Variants in KIAA1328 observed in about 807,000 individuals in gnomAD.
KIAA1328 encodes the protein KIAA1328.
KIAA1328 carries 52 observed loss-of-function variants against 68.1 expected under a neutral mutation model. The ratio of observed to expected loss-of-function variants is 0.76; its 90% confidence interval spans 0.61 to 0.96. KIAA1328 has a LOEUF of 0.96. Ranked by LOEUF, KIAA1328 falls within the 40% of genes least tolerant of loss-of-function variation. The pLI, the probability that KIAA1328 is intolerant of heterozygous loss-of-function variation, is 0.00. For missense variants in KIAA1328, 641 were observed against 677.6 expected (o/e 0.95, Z 0.60); for synonymous variants, 232 against 239.4 (o/e 0.97, Z 0.28).
At chr18:36,946,046 G>C (rs1028543601) in intron 5 of KIAA1328, among the ~76,000 whole-genome samples, 1 of 152,140 alleles carries the variant, frequency 6.6e-6, no homozygotes, top group Admixed American at 6.5e-5. Flanking sequence ...TTATGTTCAT[G>C]CCCAAAACAT....
intron 3 of KIAA1328, among the ~76,000 whole-genome samples, chr18:36,840,684 C>T (rs1238622710): frequency 2.0e-5 from 3 of 152,090 alleles, no homozygotes; most frequent in Admixed American, 6.6e-5. Flanking sequence ...AACTCCTGAC[C>T]TCGTGATCCA....
chr18:37,104,985 C>T (rs184245705), intron 7 of KIAA1328, among the ~76,000 whole-genome samples: 6 of 152,194 alleles, frequency 3.9e-5, no homozygotes, highest in Non-Finnish European at 7.4e-5. Flanking sequence ...CGGTTATCTC[C>T]CCCTTCTTTC....
Position 37,160,392 on chromosome 18 carries a change from C to T in KIAA1328, c.1414+11C>T, listed in dbSNP as rs76904172. 1.6e-4 allele frequency: 257 copies of T among 1,602,744 alleles called. 2 individuals carry two copies. In the African/African-American group the frequency reaches 3.1e-3, roughly 20 times the overall value. On this transcript the variant is annotated intron_variant, in intron 8 of 9. Coordinates refer to ENST00000280020, the MANE Select transcript of KIAA1328 (RefSeq NM_020776.3). ...GTAGACCCCAAAGAGGTAAGTTTAA[C>T]AACTGTAGTGGCAAAATGAGAAACT...
Position 36,959,335 on chromosome 18 carries a change from A to T in KIAA1328, c.476A>T (p.Gln159Leu). 6.2e-7 allele frequency: 1 copy of T among 1,602,532 alleles called. No homozygotes were observed. The highest frequency in any genetic ancestry group is 8.5e-7 in the Non-Finnish European group (1 of 1,175,386). ...EALQLQYREC[Q>L]ELLSLYQKYL... is the part of the protein sequence containing the mutation. The stretch of plus-strand genomic sequence containing the variant: ...CTTCAGCTACAGTATAGAGAATGCC[A>T]AGAACTTCTAAGCCTGTATCAGAAA... The change falls in exon 6 of 10, where the codon CAA becomes CTA. Residue 159 changes from glutamine (Q) to leucine (L), a missense_variant. Physicochemically the swap from Gln to Leu is moderately radical, Grantham distance 113 (BLOSUM62 -2). Transcript: ENST00000280020.
intron 1 of KIAA1328, among the ~76,000 whole-genome samples, chr18:36,832,214 G>A (rs1478563837): frequency 6.6e-6 from 1 of 152,116 alleles, no homozygotes; most frequent in Non-Finnish European, 1.5e-5. Flanking sequence ...TTCAAATATT[G>A]TTATTAAAAA....
At chr18:36,893,049 A>G (rs2048741768) in intron 5 of KIAA1328, among the ~76,000 whole-genome samples, 1 of 152,202 alleles carries the variant, frequency 6.6e-6, no homozygotes, top group African/African-American at 2.4e-5. Context: ...TCTAAAAAAA[A>G]GTCAAAATTA....
chr18:37,071,057 C>CTTTTTTTTTTTTTTTTTT (rs58722044), intron 7 of KIAA1328, among the ~76,000 whole-genome samples: 2 of 86,836 alleles, frequency 2.3e-5, no homozygotes, highest in Non-Finnish European at 4.6e-5. Flanking sequence ...TTTTTTCTTC[C>CTTTTTTTTTTTTTTTTTT]TTTTTTTTTT....
intron 6 of KIAA1328, among the ~76,000 whole-genome samples, chr18:37,045,107 C>G (rs2055413792): frequency 6.6e-6 from 1 of 152,094 alleles, no homozygotes; most frequent in Non-Finnish European, 1.5e-5. Context: ...ATTCTTTTCT[C>G]CTTAATTCCT....
downstream of KIAA1328, chr18:37,229,714 T>G (rs2060656223): frequency 2.9e-6 from 1 of 348,782 alleles, no homozygotes; most frequent in South Asian, 2.7e-5. Flanking sequence ...CTCTGTATTT[T>G]GTATTTGTAA....
At chr18:37,226,279 A>AT (rs2060636581), downstream of KIAA1328, among the ~76,000 whole-genome samples, 12 of 146,728 alleles carry the variant, frequency 8.2e-5, no homozygotes, top group African/African-American at 3.3e-4. Context: ...GCCCTTTTTA[A>AT]ATTTTTTTTT....
At chr18:37,106,690 G>T (rs1402222842) in intron 7 of KIAA1328, among the ~76,000 whole-genome samples, 1 of 152,104 alleles carries the variant, frequency 6.6e-6, no homozygotes, top group Non-Finnish European at 1.5e-5. Flanking sequence ...GGGATTACAG[G>T]CATAAGCCAC....
chr18:36,853,217 A>G (rs1401106964), intron 4 of KIAA1328, among the ~76,000 whole-genome samples: 1 of 152,148 alleles, frequency 6.6e-6, no homozygotes, highest in African/African-American at 2.4e-5. Context: ...ATAAACCTGT[A>G]GATTATGATT....
chr18:36,989,084 A>T (rs182959001), intron 6 of KIAA1328, among the ~76,000 whole-genome samples: 210 of 152,232 alleles, frequency 1.4e-3, no homozygotes, highest in African/African-American at 4.9e-3. Context: ...AATATTGCCT[A>T]TTTGGTAATG....
chr18:37,011,507 C>T (rs886773982), intron 6 of KIAA1328, among the ~76,000 whole-genome samples: 2 of 152,134 alleles, frequency 1.3e-5, no homozygotes, highest in African/African-American at 4.8e-5. Flanking sequence ...CTACTTTTCA[C>T]CTGAATTAAC....
chr18:37,003,278 T>C (rs1399472827), intron 6 of KIAA1328, among the ~76,000 whole-genome samples: 4 of 152,142 alleles, frequency 2.6e-5, no homozygotes, highest in Non-Finnish European at 5.9e-5. Flanking sequence ...GACATTTGTC[T>C]AGACAAAGAA....
At chr18:37,128,943 T>G (rs1327874801) in intron 7 of KIAA1328, among the ~76,000 whole-genome samples, 2 of 152,108 alleles carry the variant, frequency 1.3e-5, no homozygotes, top group East Asian at 3.9e-4. Context: ...TTATTGGCAA[T>G]TCTAGAAAAA....
At chr18:37,025,848 G>A (rs9748912) in intron 6 of KIAA1328, among the ~76,000 whole-genome samples, 90,291 of 151,724 alleles carry the variant, frequency 0.6, 28,709 homozygotes, top group East Asian at 0.87. Context: ...TCAAAAGCTA[G>A]CAGAAGGCAA....
At chr18:37,159,930 G>T (rs2059241473) in intron 7 of KIAA1328, among the ~76,000 whole-genome samples, 1 of 152,126 alleles carries the variant, frequency 6.6e-6, no homozygotes, top group African/African-American at 2.4e-5. Context: ...GTCATATTCT[G>T]TGACTTTATT....
intron 7 of KIAA1328, among the ~76,000 whole-genome samples, chr18:37,115,655 T>G (rs1419755045): frequency 1.3e-5 from 2 of 152,194 alleles, no homozygotes; most frequent in Non-Finnish European, 2.9e-5. Flanking sequence ...GTGTTGGAAG[T>G]TCTGGCCTGG....
Sources: gnomAD v4.1 joint callset for allele counts (sites outside exome capture counted in the v4.1 genomes callset) on GRCh38, gnomAD v4.1.1 for gene constraint, MANE v1.5 for transcripts, NCBI Gene and HGNC (gene_info 2026-07-23, HGNC 2026-07-21) for gene names.